Variants in MAP4K3 observed in about 807,000 individuals in gnomAD.
The protein encoded by MAP4K3 is MAPK/ERK kinase kinase kinase 3.
Under a neutral mutation model 143.5 loss-of-function variants are expected in MAP4K3, and 94 were observed. The ratio of observed to expected loss-of-function variants is 0.65; its 90% CI spans 0.55 to 0.78. MAP4K3 has a LOEUF of 0.78. Among genes scored for constraint, MAP4K3 ranks in the 30% least tolerant of loss-of-function variants. The pLI is 0.00. For missense variants in MAP4K3, 1,077 were observed against 1,068.1 expected, an observed-to-expected ratio of 1.01 and a Z score of -0.12; for synonymous variants, 416 against 347.2, an observed-to-expected ratio of 1.20 and a Z score of -2.20.
At chr2:39,421,845 C>T (rs745689604) in intron 1 of MAP4K3, among the ~76,000 whole-genome samples, 17 of 152,204 alleles carry the variant, frequency 1.1e-4, no homozygotes, top group South Asian at 6.2e-4. Context: ...TGCCCTTCCA[C>T]TTTATCCATT....
At chr2:39,251,651 T>C (rs1680158714) in intron 33 of MAP4K3, among the ~76,000 whole-genome samples, 179 bp downstream of exon 33, 5 of 152,260 alleles carry the variant, frequency 3.3e-5, no homozygotes, top group Admixed American at 3.3e-4. Context: ...TTCCTGTTAC[T>C]TGGAAGATCA....
intron 1 of MAP4K3, among the ~76,000 whole-genome samples, chr2:39,435,347 A>G (rs967356958): frequency 2.0e-5 from 3 of 152,146 alleles, no homozygotes; most frequent in Admixed American, 1.3e-4. Flanking sequence ...TCCTAATGAG[A>G]ACTAAGAGGC....
At chr2:39,385,796 A>AT (rs533314271) in intron 1 of MAP4K3, among the ~76,000 whole-genome samples, 6 of 151,284 alleles carry the variant, frequency 4.0e-5, no homozygotes, top group Admixed American at 2.0e-4. Flanking sequence ...CACCCGGCTA[A>AT]TTTTTTTGTA....
chr2:39,320,345 C>T (rs144954566), intron 12 of MAP4K3, among the ~76,000 whole-genome samples: 39 of 152,236 alleles, frequency 2.6e-4, no homozygotes, highest in African/African-American at 9.1e-4. Flanking sequence ...AGGCATTAAC[C>T]CATTTATACC....
At chr2:39,422,514 G>A (rs969421014) in intron 1 of MAP4K3, among the ~76,000 whole-genome samples, 3 of 151,954 alleles carry the variant, frequency 2.0e-5, no homozygotes, top group African/African-American at 7.3e-5. Flanking sequence ...CTCCAGAACT[G>A]AGAAAATAAA....
chr2:39,434,449 A>G (rs1001506106), intron 1 of MAP4K3, among the ~76,000 whole-genome samples: 2 of 152,158 alleles, frequency 1.3e-5, no homozygotes, highest in African/African-American at 2.4e-5. Flanking sequence ...CCAAGCATCT[A>G]TTATCTGATA....
chr2:39,333,692 T>A, intron 6 of MAP4K3, 118 bp from the exon 7 acceptor site: 1 of 525,972 alleles, frequency 1.9e-6, no homozygotes, highest in Non-Finnish European at 3.3e-6. Context: ...ATACTTAAAG[T>A]GTGCTTAATT....
At chr2:39,350,420 T>C (rs959887590) in intron 3 of MAP4K3, among the ~76,000 whole-genome samples, 3 of 152,238 alleles carry the variant, frequency 2.0e-5, no homozygotes, top group Admixed American at 2.0e-4. Flanking sequence ...TCTGTACTAT[T>C]TGCAACTTTT....
intron 31 of MAP4K3, among the ~76,000 whole-genome samples, chr2:39,255,714 T>C (rs945661325): frequency 2.6e-5 from 4 of 152,234 alleles, no homozygotes; most frequent in Non-Finnish European, 4.4e-5. Context: ...TTTGTAGAGA[T>C]GGGGTCTCCC....
chr2:39,364,137 A>G (rs1254550681), intron 2 of MAP4K3, among the ~76,000 whole-genome samples: 1 of 152,212 alleles, frequency 6.6e-6, no homozygotes, highest in Admixed American at 6.5e-5. Flanking sequence ...TAGAAATGCA[A>G]TATGATCCAG....
intron 1 of MAP4K3, among the ~76,000 whole-genome samples, chr2:39,422,308 A>G (rs546233043): frequency 1.9e-4 from 29 of 152,096 alleles, no homozygotes; most frequent in Non-Finnish European, 3.4e-4. Context: ...ACTAGACTCA[A>G]TAGTCTTCTC....
chr2:39,417,669 TG>T (rs1386543565), intron 1 of MAP4K3, among the ~76,000 whole-genome samples: 1 of 152,226 alleles, frequency 6.6e-6, no homozygotes, highest in East Asian at 1.9e-4. Flanking sequence ...ATTATAGATA[TG>T]TATGTATACG....
intron 1 of MAP4K3, among the ~76,000 whole-genome samples, chr2:39,386,452 T>C (rs555343394): frequency 6.6e-6 from 1 of 152,374 alleles, no homozygotes; most frequent in African/African-American, 2.4e-5. Context: ...AATTGTGCTT[T>C]TGGTATCACA....
intron 1 of MAP4K3, among the ~76,000 whole-genome samples, chr2:39,422,853 G>C (rs1474616839): frequency 1.3e-5 from 2 of 152,058 alleles, no homozygotes; most frequent in Non-Finnish European, 2.9e-5. Context: ...GAAAATCTAA[G>C]TGACCATGGT....
At chr2:39,274,349 T>A (rs936403524) in intron 24 of MAP4K3, among the ~76,000 whole-genome samples, 1 of 151,914 alleles carries the variant, frequency 6.6e-6, no homozygotes, top group Non-Finnish European at 1.5e-5. Context: ...CCCGAGTAGC[T>A]GGGACTACAG....
chr2:39,259,746 A>G (rs1680489693), intron 29 of MAP4K3, among the ~76,000 whole-genome samples: 1 of 152,244 alleles, frequency 6.6e-6, no homozygotes, highest in African/African-American at 2.4e-5. Flanking sequence ...AAAATATTTG[A>G]GTCTATATAA....
At chr2:39,351,792 C>T (rs1269442047) in intron 3 of MAP4K3, among the ~76,000 whole-genome samples, 2 of 152,098 alleles carry the variant, frequency 1.3e-5, no homozygotes, top group Non-Finnish European at 2.9e-5. Context: ...CTTCAGCCTC[C>T]CTAGTAGCTG....
At chr2:39,309,124 T>C (rs553083903) in intron 14 of MAP4K3, among the ~76,000 whole-genome samples, 1 of 150,690 alleles carries the variant, frequency 6.6e-6, no homozygotes, top group South Asian at 2.1e-4. Context: ...TTAAAAAAAA[T>C]TTTATTTTAT....
intron 3 of MAP4K3, among the ~76,000 whole-genome samples, chr2:39,349,060 G>A (rs768769850): frequency 5.9e-5 from 9 of 152,160 alleles, no homozygotes; most frequent in Non-Finnish European, 1.2e-4. Context: ...CCTGGGAGAG[G>A]ATGGCTAGCT....
Sources: gnomAD v4.1 joint callset for allele counts (sites outside exome capture counted in the v4.1 genomes callset) on GRCh38, gnomAD v4.1.1 for gene constraint, MANE v1.5 for transcripts, NCBI Gene and HGNC (gene_info 2026-07-23, HGNC 2026-07-21) for gene names.